Variants in DIP2C observed in about 807,000 individuals in gnomAD.
The protein encoded by DIP2C is DIP2 acetate--CoA ligase C (putative).
In DIP2C, 33 loss-of-function variants were observed where a neutral mutation model predicts 192.4. The observed-to-expected ratio is 0.17, with a 90% CI of 0.13 to 0.23. The LOEUF is 0.23. Ranked by LOEUF, DIP2C falls within the 10% of genes least tolerant of loss-of-function variation. The probability of loss-of-function intolerance (pLI) is 1.00; values close to 1 mark genes in which losing one functional copy is unlikely to be tolerated. For synonymous variants in DIP2C, 979 were observed against 864.1 expected (o/e 1.13, Z -2.33); for missense variants, 1,537 against 2,110.1 (o/e 0.73, Z 5.32).
intron 3 of DIP2C, among the ~76,000 whole-genome samples, chr10:442,607 T>C (rs1238057603): frequency 1.3e-5 from 2 of 152,198 alleles, no homozygotes; most frequent in African/African-American, 4.8e-5. Context: ...ATATAACTTT[T>C]ACCAGGCTCA....
intron 30 of DIP2C, among the ~76,000 whole-genome samples, chr10:328,260 C>T (rs896814945): frequency 1.3e-5 from 2 of 152,186 alleles, no homozygotes; most frequent in African/African-American, 4.8e-5. Context: ...CACACGCGCG[C>T]ACGTCTGAGA....
chr10:582,385 C>T (rs981045667), intron 1 of DIP2C, among the ~76,000 whole-genome samples: 5 of 152,190 alleles, frequency 3.3e-5, no homozygotes, highest in Admixed American at 3.3e-4. Flanking sequence ...AACAGAGTCA[C>T]ACCGGGGCAA....
chr10:516,206 G>C (rs758766151), intron 1 of DIP2C, among the ~76,000 whole-genome samples: 18 of 143,546 alleles, frequency 1.3e-4, no homozygotes, highest in Non-Finnish European at 2.6e-4. Flanking sequence ...GAAAGATGGA[G>C]CTGACAAGCA....
At chr10:384,001 C>T (rs763669904) in intron 16 of DIP2C, 26 bp downstream of exon 16, 3 of 1,501,054 alleles carry the variant, frequency 2.0e-6, no homozygotes, top group Non-Finnish European at 2.7e-6. Flanking sequence ...CCGCCTGCCT[C>T]ACGAGATCAC....
intron 1 of DIP2C, among the ~76,000 whole-genome samples, chr10:547,507 G>A (rs1355761580): frequency 1.3e-5 from 2 of 152,202 alleles, no homozygotes; most frequent in Non-Finnish European, 2.9e-5. Flanking sequence ...GAGGAGGAAA[G>A]CAGGCAGACA....
intron 1 of DIP2C, among the ~76,000 whole-genome samples, chr10:598,994 C>CG (rs1851891317): frequency 1.3e-5 from 2 of 152,250 alleles, no homozygotes; most frequent in African/African-American, 4.8e-5. Flanking sequence ...GCACGGCCCC[C>CG]GGGCCCACCT....
chr10:532,122 C>A (rs1470147310), intron 1 of DIP2C, among the ~76,000 whole-genome samples: 1 of 152,116 alleles, frequency 6.6e-6, no homozygotes, highest in Non-Finnish European at 1.5e-5. Flanking sequence ...CACCCTCTGT[C>A]CCCAGGCCAG....
At chr10:289,903 G>T (rs1005673710) in intron 32 of DIP2C, among the ~76,000 whole-genome samples, 5 of 152,220 alleles carry the variant, frequency 3.3e-5, no homozygotes, top group Admixed American at 3.3e-4. Flanking sequence ...CAGACCTAGG[G>T]CTGTCTGCAG....
At chr10:678,338 C>T (rs1830944266) in intron 1 of DIP2C, among the ~76,000 whole-genome samples, 1 of 152,120 alleles carries the variant, frequency 6.6e-6, no homozygotes, top group African/African-American at 2.4e-5. Flanking sequence ...AAGGGGCCAC[C>T]AGGAAGAGAG....
intron 1 of DIP2C, among the ~76,000 whole-genome samples, chr10:619,564 C>T (rs1023154149): frequency 7.2e-6 from 1 of 139,758 alleles, no homozygotes; most frequent in Non-Finnish European, 1.6e-5. Context: ...GCTCCTCACG[C>T]ACTCCCGTGC....
At chr10:491,466 C>T (rs550157388) in intron 1 of DIP2C, among the ~76,000 whole-genome samples, 1 of 152,198 alleles carries the variant, frequency 6.6e-6, no homozygotes, top group Non-Finnish European at 1.5e-5. Context: ...TTTAAATCTC[C>T]GATAGGCTTC....
chr10:626,428 C>T (rs1389982690), intron 1 of DIP2C, among the ~76,000 whole-genome samples: 10 of 149,084 alleles, frequency 6.7e-5, no homozygotes, highest in Admixed American at 5.9e-4. Context: ...CCCCCATCCT[C>T]GGTGTTACCC....
chr10:334,698 G>C (rs1212007572), intron 29 of DIP2C, among the ~76,000 whole-genome samples: 2 of 152,096 alleles, frequency 1.3e-5, no homozygotes, highest in African/African-American at 4.8e-5. Flanking sequence ...TTTCTTCATT[G>C]AATTGCTCGG....
At chr10:514,126 G>A (rs545587293) in intron 1 of DIP2C, among the ~76,000 whole-genome samples, 2 of 152,210 alleles carry the variant, frequency 1.3e-5, no homozygotes, top group Non-Finnish European at 2.9e-5. Flanking sequence ...GGGGGACAGA[G>A]GCTTCCTGGT....
rs953295559 is a variant in DIP2C, at chr10:541,155, G to A, written c.86-54625C>T. Among the ~76,000 whole-genome samples, 4 of 151,860 alleles carry A rather than the reference G, an allele frequency of 2.6e-5. No homozygotes were observed. The South Asian group carries it at 6.2e-4, about 24-fold the overall frequency. On this transcript the variant is annotated intron_variant, in intron 1 of 36. Transcript: ENST00000280886. Reference sequence around the variant, plus strand: ...AACACCCGATGCTTGGGAGGCACCTGGGCAGGAGCTGAGAATGTACCAAAC... The same window carrying A: ...AACACCCGATGCTTGGGAGGCACCTAGGCAGGAGCTGAGAATGTACCAAAC...
At chr10:446,400 C>T (rs1265548461) in intron 3 of DIP2C, among the ~76,000 whole-genome samples, 1 of 151,542 alleles carries the variant, frequency 6.6e-6, no homozygotes, top group Non-Finnish European at 1.5e-5. Context: ...TGAAGAGTCC[C>T]ATGGTCCACT....
chr10:413,184 G>A (rs990264002), intron 8 of DIP2C, among the ~76,000 whole-genome samples: 5 of 152,152 alleles, frequency 3.3e-5, no homozygotes, highest in Non-Finnish European at 5.9e-5. Flanking sequence ...AAAATAGCCT[G>A]ACAATCTGCC....
At chr10:389,911 C>T in intron 13 of DIP2C, 80 bp downstream of exon 13, 1 of 1,126,414 alleles carries the variant, frequency 8.9e-7, no homozygotes, top group Non-Finnish European at 1.3e-6. Flanking sequence ...TCTATGGCTC[C>T]TCGTGGGAGT....
chr10:616,783 G>A (rs1853499780), intron 1 of DIP2C, among the ~76,000 whole-genome samples: 1 of 152,148 alleles, frequency 6.6e-6, no homozygotes, highest in South Asian at 2.1e-4. Flanking sequence ...GGGGTGCCTA[G>A]GAATCAGCAT....
Sources: gnomAD v4.1 joint callset for allele counts (sites outside exome capture counted in the v4.1 genomes callset) on GRCh38, gnomAD v4.1.1 for gene constraint, MANE v1.5 for transcripts, NCBI Gene and HGNC (gene_info 2026-07-23, HGNC 2026-07-21) for gene names.